The following NCKAP5 variants were observed in gnomAD, a reference collection of about 807,000 sequenced individuals.
NCKAP5 encodes NCK associated protein 5, also known as nck-associated protein 5.
In NCKAP5, 92 loss-of-function variants were observed where a neutral mutation model predicts 167.0. The ratio of observed to expected loss-of-function variants is 0.55; its 90% CI spans 0.47 to 0.66. NCKAP5 has a LOEUF of 0.66. Ranked by LOEUF, NCKAP5 falls within the 30% of genes least tolerant of loss-of-function variation. NCKAP5 has a pLI of 0.00. For synonymous variants in NCKAP5, 891 were observed against 877.4 expected (o/e 1.02, Z -0.27); for missense variants, 2,378 against 2,315.0 (o/e 1.03, Z -0.56).
At position 133,494,912 on chromosome 2, in the gene NCKAP5, AACTG is replaced by A. The variant is rs1346695410; in HGVS notation, c.69+22542_69+22545del. Among the ~76,000 whole-genome samples, 10 of 152,290 alleles carry A rather than the reference AACTG, an allele frequency of 6.6e-5. No individual in the cohort carries two copies. In the East Asian group the frequency reaches 1.3e-3, roughly 21 times the overall value. On this transcript the variant is annotated intron_variant, in intron 3 of 19. Coordinates refer to ENST00000409261, the MANE Select transcript of NCKAP5 (RefSeq NM_207363.3). ...AGGTCTTTTCCCTGATCCAAGAGAGAACTGACTAAGAGTCTGGCATCTTTTAAGG... is the reference window on the plus strand; with the variant it reads ...AGGTCTTTTCCCTGATCCAAGAGAGAACTAAGAGTCTGGCATCTTTTAAGG...
chr2:132,937,505 T>C (rs1026870834), intron 8 of NCKAP5, among the ~76,000 whole-genome samples: 2 of 152,258 alleles, frequency 1.3e-5, no homozygotes, highest in African/African-American at 2.4e-5. Context: ...GCACCTTAAA[T>C]GTCACACCTT....
chr2:133,486,999 C>T (rs1035661963), intron 3 of NCKAP5, among the ~76,000 whole-genome samples: 1 of 152,122 alleles, frequency 6.6e-6, no homozygotes, highest in African/African-American at 2.4e-5. Flanking sequence ...CAGCCCAGCA[C>T]ACTGCAGGAG....
At chr2:132,744,934 C>T (rs535295321) in intron 16 of NCKAP5, among the ~76,000 whole-genome samples, 11 of 151,696 alleles carry the variant, frequency 7.3e-5, no homozygotes, top group African/African-American at 2.4e-4. Context: ...ACCAAATAGT[C>T]CTATATCAAT....
intron 2 of NCKAP5, among the ~76,000 whole-genome samples, chr2:133,546,822 G>C (rs1686725910): frequency 6.6e-6 from 1 of 152,162 alleles, no homozygotes; most frequent in Non-Finnish European, 1.5e-5. Flanking sequence ...TTGGGTCTAG[G>C]AAAAAGAGCA....
intron 4 of NCKAP5, among the ~76,000 whole-genome samples, chr2:133,227,365 C>T (rs1404158980): frequency 1.3e-5 from 2 of 152,124 alleles, no homozygotes; most frequent in African/African-American, 2.4e-5. Flanking sequence ...AAGATGCTAC[C>T]TCAGTGCTTT....
At chr2:133,263,276 T>C in intron 4 of NCKAP5, among the ~76,000 whole-genome samples, 1 of 139,270 alleles carries the variant, frequency 7.2e-6, no homozygotes, top group South Asian at 2.4e-4. Context: ...GTAAACAAAC[T>C]CTCTAGGAAA....
At chr2:133,428,776 C>T (rs749873169) in intron 3 of NCKAP5, among the ~76,000 whole-genome samples, 34 of 151,958 alleles carry the variant, frequency 2.2e-4, no homozygotes, top group Non-Finnish European at 3.1e-4. Context: ...CTGGACAATA[C>T]GTATTTGAAA....
At chr2:132,781,835 G>GA (rs1683056491) in intron 14 of NCKAP5, 105 bp downstream of exon 14, 1 of 1,083,246 alleles carries the variant, frequency 9.2e-7, no homozygotes. Context: ...CTGCCTGTAT[G>GA]AAAAAACATG....
At chr2:133,139,787 C>T (rs2082929369) in intron 5 of NCKAP5, among the ~76,000 whole-genome samples, 1 of 152,190 alleles carries the variant, frequency 6.6e-6, no homozygotes, top group African/African-American at 2.4e-5. Flanking sequence ...TTCTACCTCA[C>T]TGACTTTATG....
intron 16 of NCKAP5, among the ~76,000 whole-genome samples, chr2:132,749,501 C>T (rs1450507276): frequency 1.3e-5 from 2 of 152,168 alleles, no homozygotes; most frequent in African/African-American, 4.8e-5. Context: ...CCAACCGAAT[C>T]TCACTTCCTA....
chr2:132,899,543 C>T (rs1239246684), intron 8 of NCKAP5, among the ~76,000 whole-genome samples: 1 of 152,268 alleles, frequency 6.6e-6, no homozygotes, highest in Non-Finnish European at 1.5e-5. Flanking sequence ...GACATGTCTT[C>T]CTCACTAAGC....
intron 5 of NCKAP5, among the ~76,000 whole-genome samples, chr2:133,203,942 G>A (rs1053175644): frequency 4.6e-5 from 7 of 151,948 alleles, no homozygotes; most frequent in African/African-American, 1.7e-4. Flanking sequence ...TTTATCTGTT[G>A]GAATAAAAAA....
rs56284623 is a variant in NCKAP5, at chr2:132,732,028, A to T, written c.5152T>A (p.Leu1718Met). 1.4e-5 allele frequency: 22 copies of T among 1,612,386 alleles called. No homozygotes were observed. Among genetic ancestry groups the T allele is most frequent in the African/African-American group, 2.7e-5 (2 of 74,844 alleles). Reference protein sequence around the residue: ...IIESNCQMRTLDSGIGTFPLP... With the variant: ...IIESNCQMRTMDSGIGTFPLP... ...GGAAAGGTTCCGATCCCACTGTCCA[A>T]TGTTCTCATCTGGCAGTTGGATTCT... is the stretch of plus-strand genomic sequence containing the variant. Residue 1718 changes from leucine to methionine, a missense_variant, in exon 17 of 20, where the codon TTG becomes ATG. Transcript: ENST00000409261.
At chr2:133,335,949 A>G (rs1683184655) in intron 3 of NCKAP5, among the ~76,000 whole-genome samples, 1 of 152,146 alleles carries the variant, frequency 6.6e-6, no homozygotes, top group South Asian at 2.1e-4. Flanking sequence ...GTTGTTTCTC[A>G]AGGCATCTTG....
At chr2:133,139,014 G>C (rs1157598531) in intron 5 of NCKAP5, among the ~76,000 whole-genome samples, 1 of 152,144 alleles carries the variant, frequency 6.6e-6, no homozygotes. Flanking sequence ...AACCTGTTTG[G>C]ACAACACCCT....
intron 3 of NCKAP5, among the ~76,000 whole-genome samples, chr2:133,429,874 T>A (rs1300010393): frequency 6.6e-6 from 1 of 152,200 alleles, no homozygotes; most frequent in African/African-American, 2.4e-5. Flanking sequence ...CAATTGTATT[T>A]TTAGTTCTTT....
intron 16 of NCKAP5, among the ~76,000 whole-genome samples, chr2:132,761,755 T>C (rs1681026165): frequency 6.6e-6 from 1 of 152,170 alleles, no homozygotes; most frequent in Non-Finnish European, 1.5e-5. Context: ...ACTTGCTACA[T>C]AGGGCTAGCA....
intron 4 of NCKAP5, among the ~76,000 whole-genome samples, chr2:133,280,492 C>T (rs1482380099): frequency 1.3e-5 from 2 of 151,978 alleles, no homozygotes; most frequent in East Asian, 3.9e-4. Flanking sequence ...CCGCAACCTC[C>T]ACCTCCCAGG....
intron 12 of NCKAP5, among the ~76,000 whole-genome samples, chr2:132,794,290 AGAGAGAGAGAGAGAGAGG>A: frequency 8.2e-6 from 1 of 121,352 alleles, no homozygotes; most frequent in African/African-American, 2.9e-5. Flanking sequence ...AGAGAGAGAG[AGAGAGAGAGAGAGAGAGG>A]GTGGCGGGAA....
Sources: allele counts gnomAD v4.1 joint callset (sites outside exome capture counted in the v4.1 genomes callset), GRCh38; gene constraint gnomAD v4.1.1; transcripts MANE v1.5; gene names NCBI Gene and HGNC (gene_info 2026-07-23, HGNC 2026-07-21).